Variants in DLEU7 observed in about 807,000 individuals in gnomAD.
The protein encoded by DLEU7 is deleted in lymphocytic leukemia 7.
A neutral mutation model predicts 16.0 loss-of-function variants in DLEU7; 17 were observed. That is an observed-to-expected ratio of 1.06 (90% CI 0.73 to 1.59). DLEU7 has a LOEUF of 1.59. Ranked by LOEUF, DLEU7 falls within the 40% of genes most tolerant of loss-of-function variation. The probability of loss-of-function intolerance (pLI) is 0.00; values close to 1 mark genes in which losing one functional copy is unlikely to be tolerated. For missense variants in DLEU7, 308 were observed against 314.9 expected (o/e 0.98, Z 0.17); for synonymous variants, 113 against 139.8 (o/e 0.81, Z 1.35).
intron 1 of DLEU7, among the ~76,000 whole-genome samples, chr13:50,724,416 G>A (rs561798804): frequency 2.3e-4 from 35 of 152,146 alleles, no homozygotes; most frequent in African/African-American, 8.4e-4. Flanking sequence ...ATATTTTTGT[G>A]AGTCTCAGAT....
At chr13:50,804,188 G>C (rs1876326488) in intron 1 of DLEU7, among the ~76,000 whole-genome samples, 2 of 151,610 alleles carry the variant, frequency 1.3e-5, no homozygotes, top group African/African-American at 4.8e-5. Flanking sequence ...GAATTTTCCT[G>C]GTTATTCCTG....
At chr13:50,807,962 G>A (rs879270980) in intron 1 of DLEU7, 2 of 152,184 alleles carry the variant, frequency 1.3e-5, no homozygotes, top group Non-Finnish European at 2.9e-5. Context: ...ATGAGAGGAA[G>A]ATCTACACTA....
intron 1 of DLEU7, among the ~76,000 whole-genome samples, chr13:50,729,007 A>G (rs766833249): frequency 5.3e-5 from 8 of 152,128 alleles, no homozygotes; most frequent in Middle Eastern, 3.4e-3. Flanking sequence ...TCAGAATTCT[A>G]TCAGATATAT....
At chr13:50,735,364 A>G (rs1342919724) in intron 1 of DLEU7, among the ~76,000 whole-genome samples, 1 of 152,182 alleles carries the variant, frequency 6.6e-6, no homozygotes, top group Non-Finnish European at 1.5e-5. Flanking sequence ...TTTCAAGAGT[A>G]CATGTTCACC....
At chr13:50,830,935 A>G (rs1877243924) in intron 1 of DLEU7, among the ~76,000 whole-genome samples, 1 of 152,160 alleles carries the variant, frequency 6.6e-6, no homozygotes, top group Non-Finnish European at 1.5e-5. Flanking sequence ...ATGCCTATGG[A>G]ACACTCAGTT....
chr13:50,736,093 G>A (rs9562994), intron 1 of DLEU7, among the ~76,000 whole-genome samples: 25,256 of 152,080 alleles, frequency 0.17, 3,244 homozygotes, highest in African/African-American at 0.35. Context: ...TAGCAAAGAC[G>A]AAGAATCAAT....
At chr13:50,797,587 T>C (rs1876138913) in intron 1 of DLEU7, among the ~76,000 whole-genome samples, 1 of 152,210 alleles carries the variant, frequency 6.6e-6, no homozygotes. Flanking sequence ...TCTTGTGTTT[T>C]GGTAGGTCTT....
rs1261742690 is a variant in DLEU7 at position 50,822,913 on chromosome 13, A to G, written c.*401T>C. ...ATCTCATTCATTCAAGGTAATTTTA[A>G]GAACCATGGAACTTTAATTATATAA... On this transcript the variant is annotated 3_prime_UTR_variant, in exon 2 of 2. Transcript: ENST00000504404. 6 of 984,390 alleles carry G rather than the reference A, an allele frequency of 6.1e-6. No homozygotes were observed. In the Admixed American group the frequency reaches 1.7e-4, roughly 28 times the overall value. The allele number at this position is 984,390 out of a possible 1,614,324, so 61.0% of individuals were successfully genotyped here.
At chr13:50,821,178 T>A (rs1427735222), downstream of DLEU7, among the ~76,000 whole-genome samples, 1 of 151,938 alleles carries the variant, frequency 6.6e-6, no homozygotes, top group Non-Finnish European at 1.5e-5. Context: ...TCTACAGACG[T>A]TGAGTAGGCA....
At chr13:50,714,510 A>G (rs1366424234) in intron 1 of DLEU7, among the ~76,000 whole-genome samples, 1 of 151,144 alleles carries the variant, frequency 6.6e-6, no homozygotes, top group Non-Finnish European at 1.5e-5. Context: ...TTGAGCTGAG[A>G]AAAAAAAATA....
At chr13:50,811,551 C>T (rs1454550280) in intron 1 of DLEU7, among the ~76,000 whole-genome samples, 1 of 152,138 alleles carries the variant, frequency 6.6e-6, no homozygotes, top group Non-Finnish European at 1.5e-5. Flanking sequence ...CCTGGCAGAA[C>T]TTCTGTGGCT....
At chr13:50,764,041 C>G (rs1036414785) in intron 1 of DLEU7, among the ~76,000 whole-genome samples, 1 of 152,208 alleles carries the variant, frequency 6.6e-6, no homozygotes, top group Non-Finnish European at 1.5e-5. Context: ...GCATTTAAGG[C>G]ACTGCAGGTA....
At chr13:50,781,152 G>A (rs1370131642) in intron 1 of DLEU7, among the ~76,000 whole-genome samples, 1 of 152,180 alleles carries the variant, frequency 6.6e-6, no homozygotes, top group African/African-American at 2.4e-5. Context: ...TCTCAGACTT[G>A]TTGGTACTAA....
At chr13:50,828,013 A>G (rs536988321) in intron 1 of DLEU7, among the ~76,000 whole-genome samples, 2 of 152,322 alleles carry the variant, frequency 1.3e-5, no homozygotes, top group Admixed American at 1.3e-4. Context: ...GGATGAAATA[A>G]AACTATGACT....
At chr13:50,737,905 CTA>C (rs1491027422) in intron 1 of DLEU7, among the ~76,000 whole-genome samples, 2 of 142,842 alleles carry the variant, frequency 1.4e-5, no homozygotes, top group African/African-American at 5.6e-5. Context: ...GGGCCAAAAG[CTA>C]CAGTTGCACC....
At chr13:50,712,441 T>G (rs1313509959) in exon 2 of DLEU7, 4 of 152,378 alleles carry the variant, frequency 2.6e-5, no homozygotes. Context: ...TTCAACTTTC[T>G]TTCTCGGTTC....
chr13:50,819,031 A>G (rs953634269), downstream of DLEU7, among the ~76,000 whole-genome samples: 10 of 152,306 alleles, frequency 6.6e-5, no homozygotes, highest in African/African-American at 2.4e-4. Context: ...ATTAAGATAA[A>G]CATAACTTTT....
At chr13:50,721,481 A>T (rs1873612632) in intron 1 of DLEU7, among the ~76,000 whole-genome samples, 1 of 152,148 alleles carries the variant, frequency 6.6e-6, no homozygotes, top group Non-Finnish European at 1.5e-5. Flanking sequence ...ATTAAAAAAA[A>T]ATGCAAGTGA....
intron 1 of DLEU7, among the ~76,000 whole-genome samples, chr13:50,763,498 GA>G (rs1875001961): frequency 1.2e-4 from 18 of 152,122 alleles, no homozygotes; most frequent in Admixed American, 1.2e-3. Flanking sequence ...AACATAGAAA[GA>G]AAAGTGCAAG....
Sources: allele counts gnomAD v4.1 joint callset (sites outside exome capture counted in the v4.1 genomes callset), GRCh38; gene constraint gnomAD v4.1.1; transcripts MANE v1.5; gene names NCBI Gene and HGNC (gene_info 2026-07-23, HGNC 2026-07-21).